Variants in CHST11 observed in about 807,000 individuals in gnomAD.
The protein encoded by CHST11 is C4S-1.
Under a neutral mutation model 30.4 loss-of-function variants are expected in CHST11, and 9 were observed. The ratio of observed to expected loss-of-function variants is 0.30; its 90% confidence interval spans 0.18 to 0.52. The LOEUF (loss-of-function observed/expected upper bound fraction) is 0.52, where lower values mean the gene tolerates loss of function less well. Ranked by LOEUF, CHST11 falls within the 20% of genes least tolerant of loss-of-function variation. The pLI, the probability that CHST11 is intolerant of heterozygous loss-of-function variation, is 0.97. For synonymous variants in CHST11, 152 were observed against 187.8 expected, an observed-to-expected ratio of 0.81 and a Z score of 1.56; for missense variants, 348 against 460.6, an observed-to-expected ratio of 0.76 and a Z score of 2.24.
chr12:104,752,804 C>T (rs1474378547), intron 2 of CHST11, among the ~76,000 whole-genome samples: 1 of 152,230 alleles, frequency 6.6e-6, no homozygotes, highest in African/African-American at 2.4e-5. Context: ...GCTGGGATTA[C>T]AGGCCTGAGC....
chr12:104,510,271 A>T (rs1162433804), intron 1 of CHST11, among the ~76,000 whole-genome samples: 2 of 152,144 alleles, frequency 1.3e-5, no homozygotes, highest in African/African-American at 4.8e-5. Context: ...AACCAATCTT[A>T]ACCAAACCCT....
chr12:104,483,910 CTG>C (rs1344521583), intron 1 of CHST11, among the ~76,000 whole-genome samples: 2 of 152,108 alleles, frequency 1.3e-5, no homozygotes, highest in African/African-American at 4.8e-5. Context: ...GACGTAGTCT[CTG>C]TAGCTTCTGC....
chr12:104,485,769 TATC>T (rs58765089), intron 1 of CHST11, among the ~76,000 whole-genome samples: 12,290 of 152,204 alleles, frequency 0.081, 881 homozygotes, highest in African/African-American at 0.2. Flanking sequence ...CAGCGGGACT[TATC>T]ATGAGTTCTT....
intron 2 of CHST11, among the ~76,000 whole-genome samples, chr12:104,741,191 C>G (rs1467761678): frequency 6.6e-6 from 1 of 152,110 alleles, no homozygotes; most frequent in African/African-American, 2.4e-5. Context: ...CAGGTTGAGG[C>G]AAAGGGGTGA....
At chr12:104,710,095 G>A (rs996702609) in intron 2 of CHST11, among the ~76,000 whole-genome samples, 5 of 152,162 alleles carry the variant, frequency 3.3e-5, no homozygotes, top group African/African-American at 1.2e-4. Context: ...CAGCTACTTG[G>A]GAGGCTGAGT....
chr12:104,648,229 C>T (rs969528062), intron 2 of CHST11, among the ~76,000 whole-genome samples: 22 of 152,166 alleles, frequency 1.4e-4, no homozygotes, highest in African/African-American at 5.3e-4. Context: ...CACTGTTTCA[C>T]TCTCATAGGG....
At chr12:104,636,223 A>C (rs1270807839) in intron 2 of CHST11, among the ~76,000 whole-genome samples, 1 of 152,184 alleles carries the variant, frequency 6.6e-6, no homozygotes, top group Non-Finnish European at 1.5e-5. Context: ...GTGTCCTCAG[A>C]CATCCCGCTC....
At chr12:104,702,862 A>G (rs1287123481) in intron 2 of CHST11, among the ~76,000 whole-genome samples, 2 of 152,094 alleles carry the variant, frequency 1.3e-5, no homozygotes, top group South Asian at 2.1e-4. Context: ...AGCAGATTGG[A>G]CGCCGTTCAG....
intron 1 of CHST11, among the ~76,000 whole-genome samples, chr12:104,574,913 C>A (rs904880995): frequency 4.6e-5 from 7 of 151,714 alleles, no homozygotes; most frequent in Admixed American, 4.6e-4. Flanking sequence ...CTGTAGAGGC[C>A]GGGCGTGGTG....
chr12:104,715,517 A>G (rs1031027242), intron 2 of CHST11, among the ~76,000 whole-genome samples: 1 of 152,232 alleles, frequency 6.6e-6, no homozygotes, highest in Non-Finnish European at 1.5e-5. Flanking sequence ...TATTGTCTCA[A>G]TCCTCCCAGC....
intron 1 of CHST11, among the ~76,000 whole-genome samples, chr12:104,525,311 C>G (rs1258241116): frequency 6.6e-6 from 1 of 152,054 alleles, no homozygotes; most frequent in Non-Finnish European, 1.5e-5. Context: ...ATTTTTAAAC[C>G]TCATAGTGTA....
intron 1 of CHST11, among the ~76,000 whole-genome samples, chr12:104,551,177 C>T (rs902596947): frequency 2.0e-5 from 3 of 152,166 alleles, no homozygotes; most frequent in African/African-American, 7.2e-5. Flanking sequence ...AAGCAGTTTC[C>T]AATTTTACAA....
At chr12:104,582,936 C>T (rs529720717) in intron 1 of CHST11, among the ~76,000 whole-genome samples, 25 of 151,930 alleles carry the variant, frequency 1.6e-4, no homozygotes, top group African/African-American at 5.6e-4. Context: ...GGCTGCTTCC[C>T]CTAGAGACAG....
chr12:104,708,241 CT>C (rs1193129814), intron 2 of CHST11, among the ~76,000 whole-genome samples: 1 of 152,256 alleles, frequency 6.6e-6, no homozygotes, highest in Non-Finnish European at 1.5e-5. Context: ...CACAGAGTGA[CT>C]GAGTGACCTT....
intron 2 of CHST11, among the ~76,000 whole-genome samples, chr12:104,628,324 G>A (rs77252275): frequency 0.02 from 3,094 of 152,156 alleles, 115 homozygotes; most frequent in African/African-American, 0.07. Flanking sequence ...CACAGGGCTC[G>A]CTGACTGCAC....
At position 104,590,671 on chromosome 12, in the gene CHST11, C is replaced by A. The variant is rs557577439; in HGVS notation, c.119-11235C>A. ...GCGCAGTGGCTCATGCCTGTAATCC[C>A]AGCACTTTGGGAGACTGAGGCGGGC... On this transcript the variant is annotated intron_variant, in intron 1 of 2. Coordinates refer to ENST00000303694, the MANE Select transcript of CHST11 (RefSeq NM_018413.6). Among the ~76,000 whole-genome samples, 11 of 152,264 alleles carry A rather than the reference C, an allele frequency of 7.2e-5. No homozygotes were observed. In the South Asian group the frequency reaches 2.1e-3, roughly 29 times the overall value.
intron 2 of CHST11, among the ~76,000 whole-genome samples, chr12:104,716,486 C>A (rs750255721): frequency 3.9e-5 from 6 of 152,202 alleles, no homozygotes; most frequent in African/African-American, 1.4e-4. Context: ...TTGCCATGCA[C>A]GTAGTAAGTA....
intron 1 of CHST11, among the ~76,000 whole-genome samples, chr12:104,464,992 T>C (rs2037444558): frequency 6.6e-6 from 1 of 152,232 alleles, no homozygotes; most frequent in African/African-American, 2.4e-5. Context: ...TGTGTTGTGA[T>C]TGATGGCATC....
chr12:104,697,780 GT>G (rs1397830776), intron 2 of CHST11, among the ~76,000 whole-genome samples: 1 of 152,182 alleles, frequency 6.6e-6, no homozygotes, highest in Non-Finnish European at 1.5e-5. Context: ...AAATCCCAGA[GT>G]TCAACATCAT....
Sources: gnomAD v4.1 joint callset for allele counts (sites outside exome capture counted in the v4.1 genomes callset) on GRCh38, gnomAD v4.1.1 for gene constraint, MANE v1.5 for transcripts, NCBI Gene and HGNC (gene_info 2026-07-23, HGNC 2026-07-21) for gene names.